The following BCL2L1 variants were observed in gnomAD, a reference collection of about 807,000 sequenced individuals.
The protein encoded by BCL2L1 is BCL2 like 1.
In BCL2L1, 1 loss-of-function variant was observed where a neutral mutation model predicts 18.7. The ratio of observed to expected loss-of-function variants is 0.05; its 90% CI spans 0.02 to 0.25. The LOEUF is 0.25. Among genes scored for constraint, BCL2L1 ranks in the 10% least tolerant of loss-of-function variants. The pLI is 1.00. For synonymous variants in BCL2L1, 103 were observed against 122.7 expected (o/e 0.84, Z 1.06); for missense variants, 207 against 304.9 (o/e 0.68, Z 2.39).
chr20:31,722,278 G>T lies in BCL2L1; in HGVS notation c.-60C>A, dbSNP rs1417411878. The T allele has an allele frequency of 8.0e-7, 1 of 1,245,528 alleles. No individual in the cohort carries two copies. Among genetic ancestry groups the T allele is most frequent in the Non-Finnish European group, 1.1e-6 (1 of 929,878 alleles). 77.2% of individuals were successfully genotyped at this position (1,245,528 alleles called of 1,614,324 possible). On this transcript the variant is annotated 5_prime_UTR_variant, in exon 2 of 3. Transcript: ENST00000307677. Reference sequence around the variant, plus strand: ...TCCAAAACACCTGCTCACTCACTGAGTCTCGTCTCTGGTTAGTGATTCTCT... The same window carrying T: ...TCCAAAACACCTGCTCACTCACTGATTCTCGTCTCTGGTTAGTGATTCTCT...
intron 2 of BCL2L1, among the ~76,000 whole-genome samples, chr20:31,689,079 C>T (rs1163783361): frequency 6.6e-6 from 1 of 150,476 alleles, no homozygotes; most frequent in African/African-American, 2.5e-5. Context: ...AAGAAGAATA[C>T]CATTAAAATA....
intron 2 of BCL2L1, among the ~76,000 whole-genome samples, chr20:31,666,716 G>A (rs2060594477): frequency 6.6e-6 from 1 of 152,058 alleles, no homozygotes; most frequent in Non-Finnish European, 1.5e-5. Flanking sequence ...AGAAGAGCAG[G>A]GCAGAGGAGA....
intron 2 of BCL2L1, among the ~76,000 whole-genome samples, chr20:31,672,485 T>C (rs1168336006): frequency 6.6e-6 from 1 of 150,932 alleles, no homozygotes; most frequent in African/African-American, 2.4e-5. Flanking sequence ...AAAAGCCTGT[T>C]TTAGCAGAGG....
chr20:31,691,547 A>G (rs1293412304), intron 2 of BCL2L1, among the ~76,000 whole-genome samples: 4 of 151,220 alleles, frequency 2.6e-5, no homozygotes, highest in Admixed American at 6.6e-5. Flanking sequence ...AAATAAAATA[A>G]AATAAAATAA....
intron 2 of BCL2L1, among the ~76,000 whole-genome samples, chr20:31,694,949 G>A (rs1424005350): frequency 6.6e-6 from 1 of 152,132 alleles, no homozygotes; most frequent in African/African-American, 2.4e-5. Flanking sequence ...GGACTTGAAT[G>A]CAGGCAGTTC....
At chr20:31,698,622 T>G (rs1361073042) in intron 2 of BCL2L1, among the ~76,000 whole-genome samples, 1 of 151,534 alleles carries the variant, frequency 6.6e-6, no homozygotes, top group Admixed American at 6.6e-5. Context: ...CACTGCAACC[T>G]TGACCTCCTG....
chr20:31,703,354 T>C (rs889069340), intron 2 of BCL2L1, among the ~76,000 whole-genome samples: 13 of 152,116 alleles, frequency 8.5e-5, no homozygotes, highest in African/African-American at 3.1e-4. Context: ...ATTTTTTGTA[T>C]TTTTAGTAGA....
At chr20:31,723,796 C>T (rs1274916227), upstream of BCL2L1, 2 of 985,354 alleles carry the variant, frequency 2.0e-6, no homozygotes, top group Non-Finnish European at 1.2e-6. Context: ...AGCTTCCAGA[C>T]GCAAGAGCTC....
chr20:31,723,541 G>T (rs1054554566), upstream of BCL2L1: 1 of 984,304 alleles, frequency 1.0e-6, no homozygotes, highest in African/African-American at 1.7e-5. Context: ...GGTACCCGCC[G>T]AGCCACCGCC....
chr20:31,710,869 C>CA (rs1025606132), intron 2 of BCL2L1, among the ~76,000 whole-genome samples: 1 of 152,206 alleles, frequency 6.6e-6, no homozygotes, highest in African/African-American at 2.4e-5. Flanking sequence ...CCTTCATGTT[C>CA]ATTGAGCAGG....
intron 2 of BCL2L1, among the ~76,000 whole-genome samples, chr20:31,706,657 T>C (rs1008003254): frequency 6.6e-6 from 1 of 152,244 alleles, no homozygotes; most frequent in African/African-American, 2.4e-5. Flanking sequence ...GGGAAGTAAC[T>C]TGTCCAAATT....
rs1215318450 is a variant in BCL2L1 at position 31,722,688 on chromosome 20, G to A, written c.-201C>T. Reference sequence around the variant, plus strand: ...AGATCTTTTGTATCACAGGTCGGGAGAGGAGGTGGCTGCGGGGATGCCGGT... The same window carrying A: ...AGATCTTTTGTATCACAGGTCGGGAAAGGAGGTGGCTGCGGGGATGCCGGT... On this transcript the variant is annotated 5_prime_UTR_variant, in exon 1 of 3. Coordinates refer to ENST00000307677, the MANE Select transcript of BCL2L1 (RefSeq NM_138578.3). 6.6e-6 allele frequency: 1 copy of A among 152,500 alleles called. No individual in the cohort carries two copies. Among genetic ancestry groups the A allele is most frequent in the African/African-American group, 2.4e-5 (1 of 41,480 alleles). 9.4% of individuals were successfully genotyped at this position (152,500 alleles called of 1,614,324 possible).
At chr20:31,680,787 T>C (rs1225616246) in intron 2 of BCL2L1, among the ~76,000 whole-genome samples, 2 of 152,044 alleles carry the variant, frequency 1.3e-5, no homozygotes, top group Non-Finnish European at 2.9e-5. Flanking sequence ...TATAATCAAA[T>C]GGGAAGAGAC....
At chr20:31,671,641 G>C (rs896751533) in intron 2 of BCL2L1, among the ~76,000 whole-genome samples, 1 of 152,016 alleles carries the variant, frequency 6.6e-6, no homozygotes, top group Non-Finnish European at 1.5e-5. Flanking sequence ...TCAGCCGTGA[G>C]CAAGGCTTCC....
intron 2 of BCL2L1, among the ~76,000 whole-genome samples, chr20:31,687,227 T>C (rs1381842349): frequency 6.6e-6 from 1 of 152,128 alleles, no homozygotes; most frequent in Admixed American, 6.6e-5. Flanking sequence ...ACTCAATAAA[T>C]AGCAGCAACT....
chr20:31,716,740 T>C (rs552609422), intron 2 of BCL2L1: 166 of 152,352 alleles, frequency 1.1e-3, no homozygotes, highest in African/African-American at 3.9e-3. Flanking sequence ...AAATGTCTTC[T>C]CTGCACATAA....
intron 2 of BCL2L1, among the ~76,000 whole-genome samples, chr20:31,669,075 T>A (rs1010306462): frequency 6.6e-6 from 1 of 152,120 alleles, no homozygotes; most frequent in Non-Finnish European, 1.5e-5. Context: ...TAAATTTTTG[T>A]GACAGTGTCT....
In BCL2L1 at chr20:31,665,073, C is replaced by T. The variant is rs543647087; in HGVS notation, c.*876G>A. ...TCACCTCAGGGCTGAGTCCCCTGAACCCACCATGAGGAGCAGCCCAAGGCA... is the reference window on the plus strand; with the variant it reads ...TCACCTCAGGGCTGAGTCCCCTGAATCCACCATGAGGAGCAGCCCAAGGCA... On this transcript the variant is annotated 3_prime_UTR_variant, in exon 3 of 3. Transcript: ENST00000307677. 5.0e-4 allele frequency: 92 copies of T among 185,008 alleles called. No individual in the cohort carries two copies. The highest frequency in any genetic ancestry group is 2.0e-3 in the Middle Eastern group (1 of 498). The allele number at this position is 185,008 out of a possible 1,614,324, so 11.5% of individuals were successfully genotyped here.
At chr20:31,723,276 C>T (rs905574934), upstream of BCL2L1, 1 of 985,724 alleles carries the variant, frequency 1.0e-6, no homozygotes, top group Non-Finnish European at 1.2e-6. Context: ...GTCCTCCATT[C>T]CCCGCCCGGA....
Sources: allele counts gnomAD v4.1 joint callset (sites outside exome capture counted in the v4.1 genomes callset), GRCh38; gene constraint gnomAD v4.1.1; transcripts MANE v1.5; gene names NCBI Gene and HGNC (gene_info 2026-07-23, HGNC 2026-07-21).